Variants in RFX3 observed in about 807,000 individuals in gnomAD.
RFX3 encodes transcription factor RFX3.
A neutral mutation model predicts 98.6 loss-of-function variants in RFX3; 14 were observed. The observed-to-expected ratio is 0.14, with a 90% CI of 0.09 to 0.22. The LOEUF (loss-of-function observed/expected upper bound fraction) is 0.22, where lower values mean the gene tolerates loss of function less well. Among genes scored for constraint, RFX3 ranks in the 10% least tolerant of loss-of-function variants. The probability of loss-of-function intolerance (pLI) is 1.00; values close to 1 mark genes in which losing one functional copy is unlikely to be tolerated. For synonymous variants in RFX3, 383 were observed against 328.4 expected (o/e 1.17, Z -1.80); for missense variants, 639 against 926.9 (o/e 0.69, Z 4.03).
intron 1 of RFX3, among the ~76,000 whole-genome samples, chr9:3,454,066 G>C (rs1485645783): frequency 1.3e-5 from 2 of 152,094 alleles, no homozygotes; most frequent in African/African-American, 2.4e-5. Flanking sequence ...GATTTTGTGT[G>C]CACAAATATG....
chr9:3,322,786 T>C (rs370013330), intron 4 of RFX3, among the ~76,000 whole-genome samples: 2 of 152,210 alleles, frequency 1.3e-5, no homozygotes, highest in Admixed American at 6.5e-5. Context: ...TTAGTTGTTA[T>C]AGTTTTTAAT....
chr9:3,523,047 C>G (rs557058911), intron 1 of RFX3, among the ~76,000 whole-genome samples: 1 of 152,128 alleles, frequency 6.6e-6, no homozygotes. Context: ...TGCAAAACTT[C>G]TAGAAATTCA....
At chr9:3,230,188 T>C (rs1329498397) in intron 15 of RFX3, among the ~76,000 whole-genome samples, 5 of 152,182 alleles carry the variant, frequency 3.3e-5, no homozygotes, top group Non-Finnish European at 7.4e-5. Context: ...ATTTCACCTT[T>C]ATTTCTTAGC....
intron 1 of RFX3, among the ~76,000 whole-genome samples, chr9:3,497,830 A>G (rs1851219280): frequency 6.6e-6 from 1 of 151,998 alleles, no homozygotes; most frequent in African/African-American, 2.4e-5. Flanking sequence ...GCAGCTGTCA[A>G]GTAATCAGAG....
At chr9:3,406,986 G>T (rs537272608) in intron 1 of RFX3, among the ~76,000 whole-genome samples, 1 of 152,148 alleles carries the variant, frequency 6.6e-6, no homozygotes, top group South Asian at 2.1e-4. Flanking sequence ...GTTTTAATAA[G>T]TACATCTGAT....
intron 15 of RFX3, chr9:3,247,809 T>A (rs578103266): frequency 3.1e-6 from 5 of 1,606,800 alleles, no homozygotes; most frequent in Non-Finnish European, 4.2e-6. Flanking sequence ...ACACATTCCA[T>A]GAACTTTCAC....
chr9:3,295,525 C>T (rs1211474335), intron 5 of RFX3, among the ~76,000 whole-genome samples: 3 of 152,116 alleles, frequency 2.0e-5, no homozygotes, highest in African/African-American at 7.2e-5. Flanking sequence ...GAAAAAAATT[C>T]TGGAAAGGCA....
chr9:3,237,953 A>G (rs905016012), intron 15 of RFX3, among the ~76,000 whole-genome samples: 2 of 150,490 alleles, frequency 1.3e-5, no homozygotes, highest in Non-Finnish European at 3.0e-5. Context: ...AGCTTGGGTG[A>G]CAGAGCAAGA....
intron 4 of RFX3, among the ~76,000 whole-genome samples, chr9:3,303,715 C>T (rs1828937791): frequency 6.6e-6 from 1 of 151,478 alleles, no homozygotes; most frequent in African/African-American, 2.4e-5. Context: ...CCTAGATTTC[C>T]AGATGATTCC....
At chr9:3,364,140 C>T (rs1056683925) in intron 2 of RFX3, among the ~76,000 whole-genome samples, 1 of 152,200 alleles carries the variant, frequency 6.6e-6, no homozygotes, top group African/African-American at 2.4e-5. Context: ...TCCCAAAGTG[C>T]TGGGATTACA....
chr9:3,455,954 A>G (rs1847109619), intron 1 of RFX3, among the ~76,000 whole-genome samples: 1 of 152,204 alleles, frequency 6.6e-6, no homozygotes, highest in Non-Finnish European at 1.5e-5. Flanking sequence ...CAAAGAACAA[A>G]AACTTATATC....
At chr9:3,362,612 G>A (rs1478370709) in intron 2 of RFX3, among the ~76,000 whole-genome samples, 2 of 152,170 alleles carry the variant, frequency 1.3e-5, no homozygotes, top group Non-Finnish European at 2.9e-5. Flanking sequence ...GATTGCTATA[G>A]GCAACTCTAA....
At position 3,248,164 on chromosome 9, in the gene RFX3, T is replaced by G; in HGVS notation, c.1836A>C (p.Leu612Phe). The change falls in exon 15 of 17, where the codon TTA becomes TTC. Residue 612 changes from leucine to phenylalanine, a missense_variant. Physicochemically the swap from Leu to Phe is conservative, Grantham distance 22. This residue lies in a region of RFX3 where 138 missense variants were observed against 308.9 expected (regional missense o/e 0.45). Transcript: ENST00000617270. The part of the protein sequence containing the change: ...SFYSSMVIRD[L>F]TLRSAASFGS... ...CAAAGCTAGCAGCACTGCGTAAGGT[T>G]AAGTCCCGAATAACCATTGAGCTGT... 1 of 1,611,400 alleles carries G rather than the reference T, an allele frequency of 6.2e-7. No individual in the cohort carries two copies.
chr9:3,423,663 A>G (rs1843650835), intron 1 of RFX3, among the ~76,000 whole-genome samples: 1 of 151,714 alleles, frequency 6.6e-6, no homozygotes, highest in African/African-American at 2.4e-5. Flanking sequence ...AGCTTCGGGA[A>G]GTATAAAAAT....
intron 1 of RFX3, among the ~76,000 whole-genome samples, chr9:3,395,888 A>G (rs1247151160): frequency 2.0e-5 from 3 of 152,174 alleles, no homozygotes; most frequent in Non-Finnish European, 2.9e-5. Flanking sequence ...AAATTGTTTA[A>G]ATCCCTTTAT....
intron 4 of RFX3, among the ~76,000 whole-genome samples, chr9:3,326,287 A>C (rs962340527): frequency 6.6e-6 from 1 of 152,156 alleles, no homozygotes; most frequent in African/African-American, 2.4e-5. Flanking sequence ...TATATTCATC[A>C]TATAAAATTT....
chr9:3,288,355 A>T (rs1826912305), intron 6 of RFX3, 105 bp from the exon 7 acceptor site: 1 of 935,394 alleles, frequency 1.1e-6, no homozygotes, highest in African/African-American at 1.6e-5. Context: ...TGGTAAAAAC[A>T]GTAAGTTAAT....
chr9:3,342,027 AG>A (rs1394796191), intron 3 of RFX3, among the ~76,000 whole-genome samples: 3 of 152,236 alleles, frequency 2.0e-5, no homozygotes, highest in African/African-American at 7.2e-5. Context: ...ATTCCTTTTA[AG>A]GTTCCTTATT....
At chr9:3,403,429 A>G in intron 1 of RFX3, among the ~76,000 whole-genome samples, 1 of 152,178 alleles carries the variant, frequency 6.6e-6, no homozygotes, top group East Asian at 1.9e-4. Context: ...ATTGATCTGT[A>G]GAAAAATGAA....
Sources: gnomAD v4.1 joint callset for allele counts (sites outside exome capture counted in the v4.1 genomes callset) on GRCh38, gnomAD v4.1.1 for gene constraint, gnomAD v4.1.1 regional missense constraint, MANE v1.5 for transcripts, NCBI Gene and HGNC (gene_info 2026-07-23, HGNC 2026-07-21) for gene names.